Variants in PARM1 observed in about 807,000 individuals in gnomAD.
The protein encoded by PARM1 is WSC4, cell wall integrity and stress response component 4 homolog.
PARM1 carries 14 observed loss-of-function variants against 24.6 expected under a neutral mutation model. The ratio of observed to expected loss-of-function variants is 0.57; its 90% CI spans 0.38 to 0.89. The LOEUF (loss-of-function observed/expected upper bound fraction) is 0.89, where lower values mean the gene tolerates loss of function less well. Ranked by LOEUF, PARM1 falls within the 40% of genes least tolerant of loss-of-function variation. The pLI, the probability that PARM1 is intolerant of heterozygous loss-of-function variation, is 0.00. For missense variants in PARM1, 362 were observed against 380.4 expected, an observed-to-expected ratio of 0.95 and a Z score of 0.40; for synonymous variants, 179 against 156.6, an observed-to-expected ratio of 1.14 and a Z score of -1.07.
chr4:75,042,392 A>G (rs1224381275), intron 3 of PARM1, among the ~76,000 whole-genome samples: 1 of 152,222 alleles, frequency 6.6e-6, no homozygotes, highest in Non-Finnish European at 1.5e-5. Context: ...TTACAATGAC[A>G]TCATTCATCC....
At chr4:74,969,322 C>T (rs1721975377) in intron 1 of PARM1, among the ~76,000 whole-genome samples, 1 of 152,144 alleles carries the variant, frequency 6.6e-6, no homozygotes, top group South Asian at 2.1e-4. Context: ...AGAGGGAAAG[C>T]ATGAACCCAA....
At chr4:75,024,029 TG>T (rs1723134877) in intron 2 of PARM1, among the ~76,000 whole-genome samples, 1 of 152,100 alleles carries the variant, frequency 6.6e-6, no homozygotes, top group African/African-American at 2.4e-5. Flanking sequence ...CCCAGCACTT[TG>T]GGAGGCCGAG....
chr4:74,967,566 G>A (rs958405079), intron 1 of PARM1: 8 of 152,192 alleles, frequency 5.3e-5, no homozygotes, highest in Non-Finnish European at 8.8e-5. Context: ...GGCTGGGCTA[G>A]TGAAAACAAG....
intron 1 of PARM1, among the ~76,000 whole-genome samples, chr4:74,933,711 A>G (rs1048831580): frequency 2.0e-5 from 3 of 152,020 alleles, no homozygotes; most frequent in Non-Finnish European, 4.4e-5. Flanking sequence ...TTCGGAGCGC[A>G]CTCTGCCAAA....
At chr4:74,985,618 A>G (rs1415554420) in intron 1 of PARM1, among the ~76,000 whole-genome samples, 2 of 152,238 alleles carry the variant, frequency 1.3e-5, no homozygotes, top group Admixed American at 1.3e-4. Flanking sequence ...GCTAGTAGAC[A>G]GTGAGCAGTG....
At chr4:75,014,639 A>C (rs60634840) in intron 2 of PARM1, among the ~76,000 whole-genome samples, 10,649 of 152,180 alleles carry the variant, frequency 0.07, 1,259 homozygotes, top group African/African-American at 0.24. Context: ...GATATGCAGC[A>C]AGAAGCCAAG....
chr4:74,977,552 A>C (rs1231760116), intron 1 of PARM1, among the ~76,000 whole-genome samples: 3 of 152,252 alleles, frequency 2.0e-5, no homozygotes, highest in Non-Finnish European at 4.4e-5. Flanking sequence ...TCAGGATATC[A>C]TTCAGAAAAA....
chr4:75,008,367 GTAAGATTAAACAA>G (rs1022369276), intron 1 of PARM1, among the ~76,000 whole-genome samples: 37 of 152,294 alleles, frequency 2.4e-4, no homozygotes, highest in African/African-American at 8.9e-4. Context: ...AAGTGTATTA[GTAAGATTAAACAA>G]GAAAATGGAT....
chr4:74,986,606 A>G (rs898539082), intron 1 of PARM1, among the ~76,000 whole-genome samples: 7 of 152,218 alleles, frequency 4.6e-5, no homozygotes, highest in African/African-American at 1.4e-4. Context: ...CAATGAGAGC[A>G]CATACACATG....
At chr4:74,995,636 A>C (rs574981785) in intron 1 of PARM1, among the ~76,000 whole-genome samples, 1 of 152,232 alleles carries the variant, frequency 6.6e-6, no homozygotes, top group East Asian at 1.9e-4. Flanking sequence ...TATGGGTCCT[A>C]TGAGAAGTAC....
At chr4:75,019,980 G>A (rs1290297219) in intron 2 of PARM1, among the ~76,000 whole-genome samples, 11 of 141,360 alleles carry the variant, frequency 7.8e-5, no homozygotes, top group Admixed American at 1.4e-4. Flanking sequence ...TCCGCAGTCC[G>A]GCCTGGGCGA....
intron 1 of PARM1, chr4:74,969,864 T>C (rs1056416458): frequency 1.3e-5 from 2 of 152,218 alleles, no homozygotes; most frequent in African/African-American, 4.8e-5. Context: ...TGTTTTTCAC[T>C]GTTTTTGAGA....
At chr4:75,005,243 G>GCAGC (rs1429600433) in intron 1 of PARM1, among the ~76,000 whole-genome samples, 1 of 152,218 alleles carries the variant, frequency 6.6e-6, no homozygotes, top group Non-Finnish European at 1.5e-5. Flanking sequence ...TGACTTGGCA[G>GCAGC]CAGCAGGAAA....
chr4:75,016,015 A>G (rs1722979351), intron 2 of PARM1, among the ~76,000 whole-genome samples: 1 of 152,216 alleles, frequency 6.6e-6, no homozygotes, highest in Admixed American at 6.5e-5. Context: ...TTCACGTAGT[A>G]TGTTTCTATT....
chr4:74,962,096 A>G (rs538816418), intron 1 of PARM1, among the ~76,000 whole-genome samples: 4 of 152,168 alleles, frequency 2.6e-5, no homozygotes, highest in Non-Finnish European at 5.9e-5. Flanking sequence ...ATGCATAAAA[A>G]TTTGTTTATA....
chr4:74,944,274 A>T (rs1721366954), intron 1 of PARM1, among the ~76,000 whole-genome samples: 1 of 152,240 alleles, frequency 6.6e-6, no homozygotes, highest in African/African-American at 2.4e-5. Context: ...GGTAAAATGT[A>T]AGATTATATC....
At chr4:74,935,884 A>T (rs2109977922) in intron 1 of PARM1, among the ~76,000 whole-genome samples, 1 of 152,298 alleles carries the variant, frequency 6.6e-6, no homozygotes, top group South Asian at 2.1e-4. Flanking sequence ...TCTGTCACCT[A>T]GACTGGAGTG....
chr4:74,942,146 A>G (rs1721322019), intron 1 of PARM1, among the ~76,000 whole-genome samples: 2 of 152,150 alleles, frequency 1.3e-5, no homozygotes, highest in African/African-American at 2.4e-5. Context: ...ATTTTACTTC[A>G]TTTGCTTTCT....
At chr4:74,968,316 T>A (rs377657379) in intron 1 of PARM1, among the ~76,000 whole-genome samples, 3 of 152,228 alleles carry the variant, frequency 2.0e-5, no homozygotes, top group Admixed American at 1.3e-4. Context: ...AATTATATCA[T>A]TTGAAAATAA....
Sources: gnomAD v4.1 joint callset for allele counts (sites outside exome capture counted in the v4.1 genomes callset) on GRCh38, gnomAD v4.1.1 for gene constraint, MANE v1.5 for transcripts, NCBI Gene and HGNC (gene_info 2026-07-23, HGNC 2026-07-21) for gene names.